Variants in FAF1 observed in about 807,000 individuals in gnomAD.
FAF1 encodes FAS-associated factor 1.
FAF1 carries 25 observed loss-of-function variants against 92.5 expected under a neutral mutation model. The observed-to-expected ratio is 0.27, with a 90% CI of 0.20 to 0.38. FAF1 has a LOEUF of 0.38. FAF1 is among the 10% of genes least tolerant of loss of function. The pLI is 1.00. For synonymous variants in FAF1, 234 were observed against 273.2 expected (o/e 0.86, Z 1.42); for missense variants, 636 against 793.3 (o/e 0.80, Z 2.38).
intron 8 of FAF1, among the ~76,000 whole-genome samples, chr1:50,608,498 A>G (rs1007411450): frequency 1.1e-4 from 16 of 152,166 alleles, no homozygotes; most frequent in African/African-American, 3.6e-4. Flanking sequence ...CATGTATGAC[A>G]TTTCTGTTCT....
At chr1:50,457,724 C>CAAAAA (rs35479561) in intron 18 of FAF1, among the ~76,000 whole-genome samples, 22 of 56,524 alleles carry the variant, frequency 3.9e-4, no homozygotes, top group African/African-American at 1.1e-3. Flanking sequence ...CCCATCTCTG[C>CAAAAA]AAAAAAAAAA....
chr1:50,640,400 C>A (rs1471021231), intron 8 of FAF1, among the ~76,000 whole-genome samples: 5 of 151,468 alleles, frequency 3.3e-5, no homozygotes, highest in African/African-American at 1.2e-4. Context: ...TCACGCCATT[C>A]TCCTGCCCCA....
chr1:50,538,553 C>CAAA (rs34003582), intron 14 of FAF1, among the ~76,000 whole-genome samples: 10 of 78,064 alleles, frequency 1.3e-4, no homozygotes, highest in East Asian at 4.4e-4. Context: ...GTAAAAAAGG[C>CAAA]AAAAAAAAAA....
chr1:50,447,897 G>A (rs1244625725), intron 18 of FAF1, among the ~76,000 whole-genome samples: 2 of 152,174 alleles, frequency 1.3e-5, no homozygotes, highest in Admixed American at 1.3e-4. Flanking sequence ...ATGTTATCAG[G>A]ATATAAAGGA....
chr1:50,832,307 A>G (rs1267390156), intron 2 of FAF1, among the ~76,000 whole-genome samples: 2 of 152,114 alleles, frequency 1.3e-5, no homozygotes, highest in East Asian at 3.9e-4. Context: ...AGACATTAGC[A>G]CCAGCAGCCT....
At chr1:50,718,239 C>A (rs1658270035) in intron 6 of FAF1, among the ~76,000 whole-genome samples, 1 of 152,066 alleles carries the variant, frequency 6.6e-6, no homozygotes, top group Admixed American at 6.6e-5. Context: ...CCATGTTGAC[C>A]AGGCTGGACT....
Position 50,491,817 on chromosome 1 carries a change from T to C in FAF1, c.1495-16A>G. The stretch of plus-strand genomic sequence containing the variant: ...CACGTTCATCCTTAAAGAAAAAGAT[T>C]CAAATATTTTTTGACATATAACTTT... On this transcript the variant is annotated splice_polypyrimidine_tract_variant and intron_variant, in intron 15 of 18. Coordinates refer to ENST00000396153, the MANE Select transcript of FAF1 (RefSeq NM_007051.3). 3.8e-6 allele frequency: 6 copies of C among 1,588,250 alleles called. No homozygotes were observed. Among genetic ancestry groups the C allele is most frequent in the Non-Finnish European group, 5.1e-6 (6 of 1,168,126 alleles).
chr1:50,486,015 T>G (rs533187476), intron 17 of FAF1, among the ~76,000 whole-genome samples: 92 of 152,282 alleles, frequency 6.0e-4, no homozygotes, highest in African/African-American at 2.2e-3. Context: ...TACAATTTGA[T>G]ATTAGATTTG....
At chr1:50,495,945 C>T (rs543986700) in intron 15 of FAF1, among the ~76,000 whole-genome samples, 1 of 152,044 alleles carries the variant, frequency 6.6e-6, no homozygotes, top group East Asian at 1.9e-4. Flanking sequence ...ATCTCCGAGA[C>T]AATAGCCATT....
chr1:50,478,077 C>A (rs1188419536), intron 17 of FAF1, among the ~76,000 whole-genome samples: 1 of 152,034 alleles, frequency 6.6e-6, no homozygotes, highest in East Asian at 1.9e-4. Flanking sequence ...CCATGAGTTG[C>A]TTGTAAGTAT....
At chr1:50,510,454 G>A (rs958910150) in intron 15 of FAF1, among the ~76,000 whole-genome samples, 1 of 152,044 alleles carries the variant, frequency 6.6e-6, no homozygotes, top group African/African-American at 2.4e-5. Context: ...AATGGTAGAG[G>A]GGGGGAAGCA....
intron 2 of FAF1, among the ~76,000 whole-genome samples, chr1:50,848,533 T>C (rs1326479347): frequency 2.6e-5 from 4 of 152,186 alleles, no homozygotes; most frequent in South Asian, 2.1e-4. Flanking sequence ...TCCCACAAGA[T>C]ACTTACTAAT....
At chr1:50,528,749 T>C (rs1345462233) in intron 15 of FAF1, among the ~76,000 whole-genome samples, 4 of 152,090 alleles carry the variant, frequency 2.6e-5, no homozygotes. Flanking sequence ...CTGCCTCTTC[T>C]GCCTCCTCTT....
chr1:50,478,704 A>G (rs980922954), intron 17 of FAF1, among the ~76,000 whole-genome samples: 1 of 152,216 alleles, frequency 6.6e-6, no homozygotes. Context: ...TACAACCATC[A>G]CTACTATTTA....
intron 15 of FAF1, among the ~76,000 whole-genome samples, chr1:50,515,630 A>T (rs1647207904): frequency 6.6e-6 from 1 of 152,162 alleles, no homozygotes; most frequent in South Asian, 2.1e-4. Context: ...ATACCTATCA[A>T]ATTAGTTTCC....
At chr1:50,819,717 G>A (rs11205776) in intron 2 of FAF1, among the ~76,000 whole-genome samples, 57 of 12,770 alleles carry the variant, frequency 4.5e-3, no homozygotes, top group African/African-American at 8.3e-3. Flanking sequence ...ATATATATAC[G>A]TATATATATA....
chr1:50,894,462 G>C (rs1009753275), intron 1 of FAF1, among the ~76,000 whole-genome samples: 18 of 152,076 alleles, frequency 1.2e-4, no homozygotes, highest in African/African-American at 4.8e-5. Context: ...AAGGCATGGA[G>C]TCAGGGACCC....
intron 4 of FAF1, among the ~76,000 whole-genome samples, chr1:50,764,667 C>G (rs1051055329): frequency 6.6e-6 from 1 of 152,164 alleles, no homozygotes; most frequent in Non-Finnish European, 1.5e-5. Flanking sequence ...TGCCTGCAAG[C>G]AGTTGTTTCA....
intron 4 of FAF1, among the ~76,000 whole-genome samples, chr1:50,760,939 A>AG (rs769659563): frequency 1.6e-4 from 25 of 152,198 alleles, no homozygotes; most frequent in Non-Finnish European, 3.2e-4. Flanking sequence ...ATAGACCGCT[A>AG]GCAAGACTAA....
Sources: allele counts gnomAD v4.1 joint callset (sites outside exome capture counted in the v4.1 genomes callset), GRCh38; gene constraint gnomAD v4.1.1; transcripts MANE v1.5; gene names NCBI Gene and HGNC (gene_info 2026-07-23, HGNC 2026-07-21).